Variants in DNAI3 observed in about 807,000 individuals in gnomAD.
The protein encoded by DNAI3 is dynein axonemal intermediate chain 3, also known as WD repeat domain 63.
In DNAI3, 83 loss-of-function variants were observed where a neutral mutation model predicts 115.5. That is an observed-to-expected ratio of 0.72 (90% CI 0.60 to 0.86). DNAI3 has a LOEUF of 0.86. DNAI3 is among the 40% of genes least tolerant of loss of function. DNAI3 has a pLI of 0.00. For missense variants in DNAI3, 1,004 were observed against 1,075.8 expected (o/e 0.93, Z 0.93); for synonymous variants, 320 against 347.0 (o/e 0.92, Z 0.86).
At chr1:85,083,660 T>C (rs901122438) in intron 5 of DNAI3, among the ~76,000 whole-genome samples, 17 of 152,138 alleles carry the variant, frequency 1.1e-4, no homozygotes, top group African/African-American at 4.1e-4. Flanking sequence ...AACAAATATC[T>C]ACACTTAATT....
rs1344414256 is a variant in DNAI3 at position 85,130,092 on chromosome 1, G to T, written c.2512G>T (p.Glu838Ter). ...GCAAGAAAAGAAAGAAATGGAACTAGAAATGGCAAAGAAAAAAGTTGTAAG... is the reference window on the plus strand; with the variant it reads ...GCAAGAAAAGAAAGAAATGGAACTATAAATGGCAAAGAAAAAAGTTGTAAG... Reference protein sequence around the residue: ...REQEKKEMELEMAKKKVKTYQ... With the variant: ...REQEKKEMEL The change falls in exon 22 of 23, where the codon GAA (glutamate) becomes TAA (stop). Residue 838 changes from glutamate to a stop codon, truncating the protein, a stop_gained. Coordinates refer to ENST00000294664, the MANE Select transcript of DNAI3 (RefSeq NM_145172.5). LOFTEE classifies it low-confidence loss of function (END_TRUNC). 6.2e-7 allele frequency: 1 copy of T among 1,613,550 alleles called. No individual in the cohort carries two copies. The highest frequency in any genetic ancestry group is 1.3e-5 in the African/African-American group (1 of 75,006).
chr1:85,123,191 G>A (rs998381251), intron 18 of DNAI3, among the ~76,000 whole-genome samples: 6 of 151,946 alleles, frequency 3.9e-5, no homozygotes, highest in African/African-American at 1.2e-4. Context: ...CTTAGACCAC[G>A]CCACCATCCT....
chr1:85,070,885 A>G (rs1654252739), intron 1 of DNAI3, among the ~76,000 whole-genome samples: 1 of 152,156 alleles, frequency 6.6e-6, no homozygotes, highest in Non-Finnish European at 1.5e-5. Context: ...AAAAATTCAT[A>G]TGAGAAAATC....
Position 85,109,617 on chromosome 1 carries a change from G to C in DNAI3, c.1699-431G>C, listed in dbSNP as rs1655593388. 2.0e-5 allele frequency among the ~76,000 whole-genome samples: 3 copies of C among 152,330 alleles called. No individual in the cohort carries two copies. In the South Asian group the frequency reaches 6.2e-4, roughly 32 times the overall value. ...AGGCCCAGGGCCTTCTGGAACTCCAGTGCATGTGTTCCTGAGAGGACTTGG... is the reference window on the plus strand; with the variant it reads ...AGGCCCAGGGCCTTCTGGAACTCCACTGCATGTGTTCCTGAGAGGACTTGG... On this transcript the variant is annotated intron_variant, in intron 15 of 22. Transcript: ENST00000294664.
At chr1:85,087,554 C>A (rs1268919818) in intron 7 of DNAI3, among the ~76,000 whole-genome samples, 2 of 151,020 alleles carry the variant, frequency 1.3e-5, no homozygotes, top group African/African-American at 4.9e-5. Context: ...TTGTGTTTTT[C>A]GTCATCTCTC....
intron 1 of DNAI3, among the ~76,000 whole-genome samples, chr1:85,068,410 A>G (rs1454705597): frequency 6.6e-6 from 1 of 152,186 alleles, no homozygotes; most frequent in Non-Finnish European, 1.5e-5. Context: ...TATTGGGTCT[A>G]CTTAACAAAA....
chr1:85,076,703 G>A (rs1019427931), intron 3 of DNAI3, among the ~76,000 whole-genome samples: 2 of 152,108 alleles, frequency 1.3e-5, no homozygotes, highest in Admixed American at 6.6e-5. Context: ...GGAAAGACCT[G>A]CCCCCATGAT....
chr1:85,110,082 A>C lies in DNAI3; in HGVS notation c.1733A>C (p.His578Pro), dbSNP rs765816751. 14 of 1,613,398 alleles carry C rather than the reference A, an allele frequency of 8.7e-6. No homozygotes were observed. ...TCCAAGGGTGAAACAAGTTTAGACC[A>C]CTGTCCAACCAAGATAAGCCTGAAT... Reference protein sequence around the residue: ...RLSKGETSLDHCPTKISLNED... With the variant: ...RLSKGETSLDPCPTKISLNED... The change falls in exon 16 of 23, where the codon CAC (histidine) becomes CCC (proline). Residue 578 changes from histidine (H) to proline (P), a missense_variant. This residue lies in a region of DNAI3 where 429 missense variants were observed against 454.3 expected (regional missense o/e 0.94). Coordinates refer to ENST00000294664, the MANE Select transcript of DNAI3 (RefSeq NM_145172.5).
chr1:85,080,571 A>G (rs970515039), intron 3 of DNAI3, among the ~76,000 whole-genome samples: 1 of 152,164 alleles, frequency 6.6e-6, no homozygotes, highest in Non-Finnish European at 1.5e-5. Flanking sequence ...TTCTCTGTGA[A>G]ATAAAAAGCC....
At chr1:85,085,672 G>T (rs1049958633) in intron 6 of DNAI3, among the ~76,000 whole-genome samples, 159 bp from the exon 7 acceptor site, 3 of 152,194 alleles carry the variant, frequency 2.0e-5, no homozygotes, top group Non-Finnish European at 4.4e-5. Flanking sequence ...CCTCCAAAGA[G>T]GAGGAGCGGG....
At chr1:85,090,905 C>CTTTCTAAAATTAGAAAGT (rs1553166186) in intron 8 of DNAI3, among the ~76,000 whole-genome samples, 4 of 152,210 alleles carry the variant, frequency 2.6e-5, no homozygotes, top group Non-Finnish European at 5.9e-5. Context: ...GTTTCTATTT[C>CTTTCTAAAATTAGAAAGT]TTTCTAAAAT....
chr1:85,128,684 T>C, intron 20 of DNAI3, 24 bp from the exon 21 acceptor site: 1 of 1,582,348 alleles, frequency 6.3e-7, no homozygotes, highest in South Asian at 1.1e-5. Flanking sequence ...GATTTTTTCC[T>C]CCCATTTATT....
At chr1:85,076,613 A>G (rs931183232) in intron 3 of DNAI3, among the ~76,000 whole-genome samples, 1 of 152,210 alleles carries the variant, frequency 6.6e-6, no homozygotes, top group African/African-American at 2.4e-5. Flanking sequence ...GCAGCAGGCA[A>G]GAGAGCGTGT....
intron 16 of DNAI3, among the ~76,000 whole-genome samples, chr1:85,113,403 G>A (rs1655716183): frequency 6.6e-6 from 1 of 152,148 alleles, no homozygotes; most frequent in African/African-American, 2.4e-5. Context: ...ATTGGTATAT[G>A]TTATGGATCA....
chr1:85,125,319 GGATA>G (rs1178000440), intron 19 of DNAI3, among the ~76,000 whole-genome samples: 6 of 151,402 alleles, frequency 4.0e-5, no homozygotes, highest in Admixed American at 2.0e-4. Flanking sequence ...CATATAATGT[GGATA>G]TATATACACA....
At chr1:85,109,408 A>C (rs1655588752) in intron 15 of DNAI3, among the ~76,000 whole-genome samples, 1 of 152,222 alleles carries the variant, frequency 6.6e-6, no homozygotes. Context: ...GAAGATTATA[A>C]ATTTGGGGGA....
At chr1:85,094,023 C>A (rs907137816) in intron 9 of DNAI3, 4 of 425,082 alleles carry the variant, frequency 9.4e-6, no homozygotes, top group Non-Finnish European at 1.8e-5. Flanking sequence ...AGGAAATGTG[C>A]CTCCTTTAAA....
intron 11 of DNAI3, 43 bp downstream of exon 11, chr1:85,096,063 A>G: frequency 6.4e-7 from 1 of 1,569,418 alleles, no homozygotes; most frequent in Non-Finnish European, 8.8e-7. Flanking sequence ...AATGTAGACA[A>G]CCTTTGGTAA....
rs750561501 is a variant in DNAI3, at chr1:85,117,808, T to A, written c.1866T>A (p.Asn622Lys). The A allele has an allele frequency of 6.2e-7, 1 of 1,613,794 alleles. No homozygotes were observed. Among genetic ancestry groups the A allele is most frequent in the Admixed American group, 1.7e-5 (1 of 60,006 alleles). The change falls in exon 17 of 23, where the codon AAT (asparagine) becomes AAA (lysine). Residue 622 changes from asparagine to lysine, a missense_variant. Transcript: ENST00000294664. ...ATAATCTGGAAAGTGGGATGGCCAA[T>A]CTTCTCAAGCCAATAGATGACTTCT... ...PYHNLESGMA[N>K]LLKPIDDFCT...
Sources: gnomAD v4.1 joint callset for allele counts (sites outside exome capture counted in the v4.1 genomes callset) on GRCh38, gnomAD v4.1.1 for gene constraint, gnomAD v4.1.1 regional missense constraint, MANE v1.5 for transcripts, NCBI Gene and HGNC (gene_info 2026-07-23, HGNC 2026-07-21) for gene names.